CNTN4: variants seen among roughly 807,000 people sequenced by gnomAD.
The protein encoded by CNTN4 is contactin 4, also known as contactin-4.
In CNTN4, 77 loss-of-function variants were observed where a neutral mutation model predicts 122.5. The ratio of observed to expected loss-of-function variants is 0.63; its 90% confidence interval spans 0.52 to 0.76. The LOEUF is 0.76. CNTN4 is among the 30% of genes least tolerant of loss of function. The pLI is 0.00. For missense variants in CNTN4, 1,256 were observed against 1,259.1 expected, an observed-to-expected ratio of 1.00 and a Z score of 0.04; for synonymous variants, 512 against 447.0, an observed-to-expected ratio of 1.15 and a Z score of -1.83.
intron 2 of CNTN4, among the ~76,000 whole-genome samples, chr3:2,198,111 A>C (rs933477012): frequency 2.0e-5 from 3 of 152,166 alleles, no homozygotes; most frequent in Admixed American, 1.3e-4. Flanking sequence ...GTTTCAGCAC[A>C]TGGGGTTCCT....
intron 4 of CNTN4, among the ~76,000 whole-genome samples, chr3:2,727,725 G>A (rs955040517): frequency 3.3e-5 from 5 of 152,148 alleles, no homozygotes; most frequent in African/African-American, 1.2e-4. Flanking sequence ...GCATGATGGC[G>A]GCAGCATTAT....
rs929189250 is a variant in CNTN4, at chr3:2,736,609, A to G, written c.182+268A>G. Among the ~76,000 whole-genome samples, 12 of 148,210 alleles carry G rather than the reference A, an allele frequency of 8.1e-5. 2 individuals are homozygous for G. Among genetic ancestry groups the G allele is most frequent in the South Asian group, 6.5e-4 (3 of 4,628 alleles). On this transcript the variant is annotated intron_variant, in intron 5 of 24. Transcript: ENST00000418658. ...CTCCCGAGTAGCTGGAATTACAGGC[A>G]TGCACCACCACGCCCGGCTAATTTT...
chr3:2,155,230 C>T (rs997138682), intron 2 of CNTN4, among the ~76,000 whole-genome samples: 1 of 152,192 alleles, frequency 6.6e-6, no homozygotes, highest in Non-Finnish European at 1.5e-5. Flanking sequence ...TGCTTACCTG[C>T]CTGCATTAAT....
chr3:2,515,368 A>T (rs2077010440), intron 3 of CNTN4, among the ~76,000 whole-genome samples: 1 of 152,224 alleles, frequency 6.6e-6, no homozygotes, highest in South Asian at 2.1e-4. Flanking sequence ...AAAATAAAAC[A>T]AGTGCACAAA....
chr3:2,710,060 A>G (rs2087033301), intron 4 of CNTN4, among the ~76,000 whole-genome samples: 1 of 152,218 alleles, frequency 6.6e-6, no homozygotes, highest in African/African-American at 2.4e-5. Context: ...AAAGTAAATT[A>G]TTAGCACTAG....
chr3:2,725,070 T>A (rs1339312661), intron 4 of CNTN4, among the ~76,000 whole-genome samples: 1 of 152,206 alleles, frequency 6.6e-6, no homozygotes, highest in Non-Finnish European at 1.5e-5. Context: ...CAGAAAAATA[T>A]ATCCCTATGA....
intron 6 of CNTN4, among the ~76,000 whole-genome samples, chr3:2,770,113 T>G (rs1203586861): frequency 6.6e-6 from 1 of 150,842 alleles, no homozygotes; most frequent in Non-Finnish European, 1.5e-5. Flanking sequence ...CACTGCAACC[T>G]CCAACTCCCT....
At chr3:2,218,389 A>T (rs555326401) in intron 2 of CNTN4, among the ~76,000 whole-genome samples, 2 of 152,188 alleles carry the variant, frequency 1.3e-5, no homozygotes, top group Non-Finnish European at 2.9e-5. Context: ...GCATGGTGGC[A>T]TGTACCTGTA....
At chr3:2,681,396 C>G (rs1227837360) in intron 4 of CNTN4, among the ~76,000 whole-genome samples, 1 of 152,248 alleles carries the variant, frequency 6.6e-6, no homozygotes, top group Middle Eastern at 3.4e-3. Context: ...AGTGCAAGGG[C>G]ACATGGGCTC....
At position 2,916,246 on chromosome 3, in the gene CNTN4, C is replaced by G. The variant is rs574274709; in HGVS notation, c.1208-9383C>G. Among the ~76,000 whole-genome samples, 9 of 150,192 alleles carry G rather than the reference C, an allele frequency of 6.0e-5. No homozygotes were observed. The South Asian group carries it at 6.4e-4, about 11-fold the overall frequency. ...TATTGATCATTCTTGGGTGTTTCTC[C>G]GAGAGGGGGATTTGGCAGGGTCATA... On this transcript the variant is annotated intron_variant, in intron 12 of 24. Coordinates refer to ENST00000418658, the MANE Select transcript of CNTN4 (RefSeq NM_175607.3).
intron 6 of CNTN4, among the ~76,000 whole-genome samples, chr3:2,756,974 A>G (rs1223220588): frequency 1.3e-5 from 2 of 152,194 alleles, no homozygotes; most frequent in African/African-American, 2.4e-5. Context: ...ACATATGCAC[A>G]ATTCTTTTTC....
intron 6 of CNTN4, among the ~76,000 whole-genome samples, chr3:2,787,359 G>A (rs1397131541): frequency 1.3e-5 from 2 of 152,118 alleles, no homozygotes; most frequent in South Asian, 4.1e-4. Context: ...CTGGGCAGCA[G>A]AGCGAGACTC....
chr3:2,946,693 C>CTTTT (rs1553703098), intron 13 of CNTN4, among the ~76,000 whole-genome samples: 3 of 127,760 alleles, frequency 2.3e-5, no homozygotes, highest in Non-Finnish European at 1.7e-5. Context: ...AGACAGCTTG[C>CTTTT]TTTTTTTTTT....
chr3:2,230,713 G>A (rs543561291), intron 2 of CNTN4, among the ~76,000 whole-genome samples: 3 of 152,196 alleles, frequency 2.0e-5, no homozygotes, highest in African/African-American at 4.8e-5. Context: ...GGATGGGTGC[G>A]GTGGCTCACA....
intron 10 of CNTN4, among the ~76,000 whole-genome samples, chr3:2,891,248 G>A (rs2094036604): frequency 6.6e-6 from 1 of 152,132 alleles, no homozygotes; most frequent in South Asian, 2.1e-4. Flanking sequence ...TGAGTCACTT[G>A]AGGCCAGGAA....
At chr3:2,827,244 A>G (rs1004182373) in intron 7 of CNTN4, among the ~76,000 whole-genome samples, 2 of 152,022 alleles carry the variant, frequency 1.3e-5, no homozygotes, top group African/African-American at 2.4e-5. Flanking sequence ...CTCCTTACCC[A>G]TATCTGGGTT....
intron 3 of CNTN4, among the ~76,000 whole-genome samples, chr3:2,408,729 A>G (rs922441517): frequency 6.6e-6 from 1 of 152,172 alleles, no homozygotes; most frequent in Non-Finnish European, 1.5e-5. Context: ...AGTATTTATC[A>G]ATACTAGGTG....
At chr3:2,399,129 A>T (rs1445717010) in intron 3 of CNTN4, among the ~76,000 whole-genome samples, 2 of 152,100 alleles carry the variant, frequency 1.3e-5, no homozygotes, top group African/African-American at 4.8e-5. Flanking sequence ...GAAAAAAATA[A>T]TATCCTTTAG....
At chr3:2,203,209 A>C (rs2038181793) in intron 2 of CNTN4, among the ~76,000 whole-genome samples, 1 of 152,164 alleles carries the variant, frequency 6.6e-6, no homozygotes, top group Admixed American at 6.6e-5. Context: ...CACAGTATTT[A>C]ACATTTTCAG....
Sources: allele counts gnomAD v4.1 joint callset (sites outside exome capture counted in the v4.1 genomes callset), GRCh38; gene constraint gnomAD v4.1.1; transcripts MANE v1.5; gene names NCBI Gene and HGNC (gene_info 2026-07-23, HGNC 2026-07-21).